DPP6: variants seen among roughly 807,000 people sequenced by gnomAD.
The protein encoded by DPP6 is dipeptidyl peptidase like 6.
A neutral mutation model predicts 122.6 loss-of-function variants in DPP6; 69 were observed. The ratio of observed to expected loss-of-function variants is 0.56; its 90% confidence interval spans 0.46 to 0.69. The LOEUF is 0.69. Among genes scored for constraint, DPP6 ranks in the 30% least tolerant of loss-of-function variants. The pLI, the probability that DPP6 is intolerant of heterozygous loss-of-function variation, is 0.00. For missense variants in DPP6, 928 were observed against 1,116.9 expected (o/e 0.83, Z 2.41); for synonymous variants, 418 against 433.1 (o/e 0.97, Z 0.43).
intron 1 of DPP6, among the ~76,000 whole-genome samples, chr7:153,928,942 G>A (rs971162716): frequency 6.6e-6 from 1 of 152,200 alleles, no homozygotes; most frequent in Non-Finnish European, 1.5e-5. Context: ...CGTCGATTCA[G>A]AGAAAGGTAA....
intron 4 of DPP6, among the ~76,000 whole-genome samples, chr7:154,555,536 C>A (rs1443047961): frequency 6.6e-6 from 1 of 151,946 alleles, no homozygotes; most frequent in Non-Finnish European, 1.5e-5. Context: ...TTAATGGGTG[C>A]AGCACACCAA....
intron 1 of DPP6, among the ~76,000 whole-genome samples, chr7:153,942,443 C>A (rs557994390): frequency 2.0e-5 from 3 of 152,216 alleles, no homozygotes; most frequent in Non-Finnish European, 4.4e-5. Context: ...ACAGGTGGCC[C>A]TCAGAGGCAT....
chr7:153,789,927 A>G, the DPP6 span, among the ~76,000 whole-genome samples: 1 of 152,166 alleles, frequency 6.6e-6, no homozygotes, highest in Non-Finnish European at 1.5e-5. Flanking sequence ...TCTATGGTAA[A>G]ATACAGGAGT....
At chr7:154,371,845 TC>T (rs36076171) in intron 1 of DPP6, among the ~76,000 whole-genome samples, 2 of 152,110 alleles carry the variant, frequency 1.3e-5, no homozygotes, top group African/African-American at 4.8e-5. Context: ...ACATGACCTT[TC>T]CCTGTAACTC....
rs902347768 is a variant in DPP6, at chr7:154,282,310, C to A, written c.244-163904C>A. Among the ~76,000 whole-genome samples, 1 of 152,174 alleles carries A rather than the reference C, an allele frequency of 6.6e-6. No individual in the cohort carries two copies. The highest frequency in any genetic ancestry group is 2.4e-5 in the African/African-American group (1 of 41,440). On this transcript the variant is annotated intron_variant, in intron 1 of 25. Coordinates refer to ENST00000377770, the MANE Select transcript of DPP6 (RefSeq NM_130797.4). The surrounding 1 kb of genome is among the most constrained non-coding windows in gnomAD (Gnocchi z 4.8). ...TCAATAGCCTGCATGCAGGGACATG[C>A]TTCTCAGGTGGCCTCTGGATACACG...
intron 7 of DPP6, among the ~76,000 whole-genome samples, chr7:154,698,608 AT>A (rs1434416456): frequency 1.3e-5 from 2 of 152,248 alleles, no homozygotes; most frequent in African/African-American, 4.8e-5. Context: ...AGTTAATTAA[AT>A]TCACATATAT....
intron 7 of DPP6, among the ~76,000 whole-genome samples, chr7:154,712,236 C>T (rs1256612757): frequency 6.6e-6 from 1 of 152,108 alleles, no homozygotes; most frequent in South Asian, 2.1e-4. Flanking sequence ...TTGATCTAAT[C>T]CATTTTTGTA....
intron 1 of DPP6, among the ~76,000 whole-genome samples, chr7:154,160,361 G>C (rs1302453950): frequency 6.6e-6 from 1 of 152,182 alleles, no homozygotes; most frequent in East Asian, 1.9e-4. Flanking sequence ...TTATTGTGCT[G>C]CAAAGTCACC....
the DPP6 span, among the ~76,000 whole-genome samples, chr7:153,778,591 C>A: frequency 0.011 from 1,500 of 139,310 alleles, no homozygotes; most frequent in African/African-American, 0.044. Context: ...ACAATTCCGT[C>A]AGCACCATGA....
At position 154,215,501 on chromosome 7, in the gene DPP6, C is replaced by T. The variant is rs116415359; in HGVS notation, c.243+162438C>T. ...TGGAGGTTAAACAAAACAAAGAATA[C>T]TAATACCAGAGTTCCTTCCTTGAAG... On this transcript the variant is annotated intron_variant, in intron 1 of 25. Transcript: ENST00000377770. Among the ~76,000 whole-genome samples, 1,138 of 152,262 alleles carry T rather than the reference C, an allele frequency of 7.5e-3. 14 individuals are homozygous for T. The highest frequency in any genetic ancestry group is 0.025 in the African/African-American group (1,058 of 41,548).
intron 1 of DPP6, among the ~76,000 whole-genome samples, chr7:154,036,300 T>G (rs1799532280): frequency 1.8e-5 from 1 of 55,904 alleles, no homozygotes; most frequent in Non-Finnish European, 3.9e-5. Context: ...TAGCGGGGGG[T>G]TGGGGGCGGG....
chr7:154,484,402 G>A (rs1823608402), intron 3 of DPP6, among the ~76,000 whole-genome samples: 2 of 152,228 alleles, frequency 1.3e-5, no homozygotes, highest in Non-Finnish European at 2.9e-5. Flanking sequence ...CTAAACCTTG[G>A]AAATGGTTTG....
At chr7:154,174,556 G>A (rs1469521191) in intron 1 of DPP6, among the ~76,000 whole-genome samples, 4 of 152,140 alleles carry the variant, frequency 2.6e-5, no homozygotes, top group Admixed American at 6.5e-5. Context: ...AAGGCCTATT[G>A]GTGTCTAAGA....
chr7:154,236,600 C>T (rs1025152859), intron 1 of DPP6, among the ~76,000 whole-genome samples: 3 of 152,124 alleles, frequency 2.0e-5, no homozygotes, highest in Admixed American at 1.3e-4. Flanking sequence ...CTCACTAAAC[C>T]ATGACCTGTG....
At chr7:154,685,935 C>T (rs1226638840) in intron 7 of DPP6, among the ~76,000 whole-genome samples, 4 of 152,148 alleles carry the variant, frequency 2.6e-5, no homozygotes, top group African/African-American at 9.7e-5. Flanking sequence ...CCCCATCAAA[C>T]CTATAAACAA....
At chr7:153,959,110 C>A (rs1316954267) in intron 1 of DPP6, among the ~76,000 whole-genome samples, 2 of 152,058 alleles carry the variant, frequency 1.3e-5, no homozygotes, top group East Asian at 3.9e-4. Flanking sequence ...TCTCCGTTCC[C>A]ATCCGATGCT....
chr7:154,542,344 A>G (rs981940609), intron 4 of DPP6, among the ~76,000 whole-genome samples: 2 of 152,166 alleles, frequency 1.3e-5, no homozygotes, highest in African/African-American at 4.8e-5. Context: ...TTCTAATATT[A>G]ATAGAGAGGA....
chr7:154,206,428 TCCTGTCCTTG>T, intron 1 of DPP6, among the ~76,000 whole-genome samples: 1 of 152,136 alleles, frequency 6.6e-6, no homozygotes, highest in South Asian at 2.1e-4. Context: ...AGCCTTAAAT[TCCTGTCCTTG>T]AATATGCTCT....
At chr7:154,000,410 A>T (rs1262375176) in intron 1 of DPP6, among the ~76,000 whole-genome samples, 1 of 152,114 alleles carries the variant, frequency 6.6e-6, no homozygotes, top group Non-Finnish European at 1.5e-5. Context: ...TCAATGACTG[A>T]CTGATGTCTC....
Sources: allele counts gnomAD v4.1 joint callset (sites outside exome capture counted in the v4.1 genomes callset), GRCh38; gene constraint gnomAD v4.1.1; non-coding constraint Gnocchi (gnomAD v3.1); transcripts MANE v1.5; gene names NCBI Gene and HGNC (gene_info 2026-07-23, HGNC 2026-07-21).